EEA1: variants seen among roughly 807,000 people sequenced by gnomAD.
EEA1 encodes the protein early endosome antigen 1, 162kD.
EEA1 carries 111 observed loss-of-function variants against 209.2 expected under a neutral mutation model. The observed-to-expected ratio is 0.53, with a 90% CI of 0.45 to 0.62. The LOEUF is 0.62. EEA1 is among the 20% of genes least tolerant of loss of function. The pLI, the probability that EEA1 is intolerant of heterozygous loss-of-function variation, is 0.00. For missense variants in EEA1, 1,343 were observed against 1,530.8 expected, an observed-to-expected ratio of 0.88 and a Z score of 2.05; for synonymous variants, 536 against 540.6, an observed-to-expected ratio of 0.99 and a Z score of 0.12.
intron 21 of EEA1, among the ~76,000 whole-genome samples, chr12:92,790,110 C>T (rs1158015851): frequency 2.0e-5 from 3 of 152,150 alleles, no homozygotes; most frequent in Admixed American, 6.5e-5. Flanking sequence ...TCATCTACAC[C>T]AAAACTCCAC....
intron 2 of EEA1, among the ~76,000 whole-genome samples, chr12:92,868,354 A>G (rs1878492554): frequency 2.6e-5 from 4 of 152,250 alleles, no homozygotes; most frequent in Admixed American, 2.6e-4. Context: ...ATGTACCCAT[A>G]TAATGTTTAG....
At chr12:92,909,457 T>C (rs1222792867) in intron 1 of EEA1, among the ~76,000 whole-genome samples, 3 of 152,184 alleles carry the variant, frequency 2.0e-5, no homozygotes, top group Non-Finnish European at 4.4e-5. Flanking sequence ...GCTAAACATA[T>C]GTAAATCCGT....
At chr12:92,893,200 C>T (rs745706999) in intron 1 of EEA1, among the ~76,000 whole-genome samples, 9 of 152,098 alleles carry the variant, frequency 5.9e-5, no homozygotes, top group Non-Finnish European at 1.3e-4. Context: ...AATCTGAAAC[C>T]TAGTAAAACA....
In EEA1 at chr12:92,779,233, G is replaced by A. The variant is rs949208999; in HGVS notation, c.3536C>T (p.Ala1179Val). The change falls in exon 25 of 29, where the codon GCG (alanine) becomes GTG (valine). Residue 1179 changes from alanine to valine, a missense_variant. By Grantham distance (64) the Ala-to-Val change is moderately conservative (BLOSUM62 0). This residue lies in a region of EEA1 where 1,307 missense variants were observed against 1,465.5 expected (regional missense o/e 0.89). Coordinates refer to ENST00000322349, the MANE Select transcript of EEA1 (RefSeq NM_003566.4). Reference sequence around the variant, plus strand: ...TTCAACAGCTGCCTTCAGGGAGTCCGCTTTTCCTTGAAGTTCTAATTTCTG... The same window carrying A: ...TTCAACAGCTGCCTTCAGGGAGTCCACTTTTCCTTGAAGTTCTAATTTCTG... Reference protein sequence around the residue: ...IQQKLELQGKADSLKAAVEQE... With the variant: ...IQQKLELQGKVDSLKAAVEQE... 5.0e-6 allele frequency: 8 copies of A among 1,608,574 alleles called. No homozygotes were observed. The highest frequency in any genetic ancestry group is 1.7e-5 in the Admixed American group (1 of 58,666).
intron 1 of EEA1, among the ~76,000 whole-genome samples, chr12:92,912,789 T>C (rs1159981056): frequency 6.6e-6 from 1 of 152,190 alleles, no homozygotes. Flanking sequence ...AGTGAGAACA[T>C]GCAGTATTTC....
intron 10 of EEA1, among the ~76,000 whole-genome samples, chr12:92,835,741 A>T (rs1162607254): frequency 6.6e-6 from 1 of 152,146 alleles, no homozygotes; most frequent in Non-Finnish European, 1.5e-5. Context: ...GGCAAAAAAC[A>T]TATGGTAACA....
At chr12:92,891,549 CAAAT>C (rs1879654067) in intron 2 of EEA1, 76 bp downstream of exon 2, 1 of 1,116,034 alleles carries the variant, frequency 9.0e-7, no homozygotes, top group Non-Finnish European at 1.3e-6. Context: ...TTTTCCTATA[CAAAT>C]CACCAATCGT....
intron 1 of EEA1, among the ~76,000 whole-genome samples, chr12:92,916,435 A>G (rs2136782869): frequency 6.6e-6 from 1 of 151,436 alleles, no homozygotes; most frequent in East Asian, 1.9e-4. Context: ...TGGGCAGATC[A>G]TGAGGTCAGG....
At chr12:92,852,841 T>G in intron 7 of EEA1, 71 bp downstream of exon 7, 1 of 995,630 alleles carries the variant, frequency 1.0e-6, no homozygotes, top group Non-Finnish European at 1.6e-6. Flanking sequence ...ACTATATTTA[T>G]TGCTAGGGTA....
At chr12:92,802,205 G>A (rs141605213) in intron 19 of EEA1, among the ~76,000 whole-genome samples, 199 bp downstream of exon 19, 285 of 152,090 alleles carry the variant, frequency 1.9e-3, no homozygotes, top group Non-Finnish European at 3.1e-3. Context: ...AGAAAATGGC[G>A]TGCACACAGG....
intron 2 of EEA1, among the ~76,000 whole-genome samples, chr12:92,866,846 A>C (rs1397829608): frequency 6.6e-6 from 1 of 152,176 alleles, no homozygotes; most frequent in African/African-American, 2.4e-5. Context: ...TAGAAACCTA[A>C]AAATTTGGCT....
At chr12:92,782,853 G>T (rs1278700264) in intron 22 of EEA1, among the ~76,000 whole-genome samples, 1 of 152,108 alleles carries the variant, frequency 6.6e-6, no homozygotes, top group Non-Finnish European at 1.5e-5. Context: ...AAAGGGTCCT[G>T]CCTCATACCC....
chr12:92,818,412 A>G (rs1186210155), intron 14 of EEA1, among the ~76,000 whole-genome samples: 1 of 152,102 alleles, frequency 6.6e-6, no homozygotes, highest in Non-Finnish European at 1.5e-5. Flanking sequence ...CATTTTTTCC[A>G]CTTTTCTTGG....
Position 92,857,359 on chromosome 12 carries a change from A to G in EEA1, c.301-19T>C, listed in dbSNP as rs972392447. On this transcript the variant is annotated intron_variant, in intron 4 of 28. Coordinates refer to ENST00000322349, the MANE Select transcript of EEA1 (RefSeq NM_003566.4). ...TTTCTTCCTAATAAAAAAGATTTTT[A>G]ATTAGTAAATTTAAAAAGAGGTATT... The G allele has an allele frequency of 6.4e-7, 1 of 1,563,758 alleles. No individual in the cohort carries two copies. Among genetic ancestry groups the G allele is most frequent in the Non-Finnish European group, 8.7e-7 (1 of 1,155,660 alleles).
intron 2 of EEA1, chr12:92,883,825 A>G: frequency 6.3e-7 from 1 of 1,597,540 alleles, no homozygotes. Flanking sequence ...GAAGCTCTTC[A>G]TTGGAGGGTT....
Position 92,832,634 on chromosome 12 carries a change from T to G in EEA1, c.1132A>C (p.Lys378Gln). 6.2e-7 allele frequency: 1 copy of G among 1,614,088 alleles called. No homozygotes were observed. Among genetic ancestry groups the G allele is most frequent in the Non-Finnish European group, 8.5e-7 (1 of 1,179,992 alleles). ...GTCTCTACCTCAGATAATTCTTCTT[T>G]GAGCTTTTGAGTAGCTTCTCCTTTT... ...SEKGEATQKLKEELSEVETKY... is the reference protein window; with the variant it reads ...SEKGEATQKLQEELSEVETKY... Residue 378 changes from lysine to glutamine, a missense_variant, in exon 11 of 29, where the codon AAA (lysine) becomes CAA (glutamine). Lys to Gln is a moderately conservative substitution (Grantham distance 53). Transcript: ENST00000322349.
chr12:92,776,721 T>C lies in EEA1; in HGVS notation c.4113+123A>G. 6.7e-6 allele frequency: 6 copies of C among 896,976 alleles called. No homozygotes were observed. The Admixed American group carries it at 1.1e-4, about 17-fold the overall frequency. The allele number at this position is 896,976 out of a possible 1,614,324, so 55.6% of individuals were successfully genotyped here. On this transcript the variant is annotated intron_variant, in intron 28 of 28. Coordinates refer to ENST00000322349, the MANE Select transcript of EEA1 (RefSeq NM_003566.4). ...TGCATGAAGTTATTCTATGTTGTTG[T>C]TAAAGTTTACTGATAAACAGAAAAT...
chr12:92,887,172 A>G (rs2136750273), intron 2 of EEA1, among the ~76,000 whole-genome samples: 1 of 152,220 alleles, frequency 6.6e-6, no homozygotes, highest in South Asian at 2.1e-4. Flanking sequence ...CCAAAATGAA[A>G]AACAAAAAAA....
chr12:92,788,171 A>C, intron 21 of EEA1, 122 bp from the exon 22 acceptor site: 1 of 664,280 alleles, frequency 1.5e-6, no homozygotes, highest in South Asian at 5.9e-5. Context: ...CTTATGCCCC[A>C]AATTTCTACC....
Sources: gnomAD v4.1 joint callset for allele counts (sites outside exome capture counted in the v4.1 genomes callset) on GRCh38, gnomAD v4.1.1 for gene constraint, gnomAD v4.1.1 regional missense constraint, MANE v1.5 for transcripts, NCBI Gene and HGNC (gene_info 2026-07-23, HGNC 2026-07-21) for gene names.